The following PKNOX1 variants were observed in gnomAD, a reference collection of about 807,000 sequenced individuals.
PKNOX1 encodes the protein homeobox protein PKNOX1.
PKNOX1 carries 15 observed loss-of-function variants against 51.9 expected under a neutral mutation model. The ratio of observed to expected loss-of-function variants is 0.29; its 90% CI spans 0.19 to 0.45. The LOEUF is 0.45. Among genes scored for constraint, PKNOX1 ranks in the 20% least tolerant of loss-of-function variants. The probability of loss-of-function intolerance (pLI) is 1.00; values close to 1 mark genes in which losing one functional copy is unlikely to be tolerated. For missense variants in PKNOX1, 462 were observed against 547.5 expected, an observed-to-expected ratio of 0.84 and a Z score of 1.56; for synonymous variants, 219 against 211.1, an observed-to-expected ratio of 1.04 and a Z score of -0.32.
Position 43,016,129 on chromosome 21 carries a change from C to T in PKNOX1, c.523-779C>T, listed in dbSNP as rs78118626. Among the ~76,000 whole-genome samples the T allele has an allele frequency of 2.7e-3, 411 of 152,292 alleles. 1 individual carries two copies. The highest frequency in any genetic ancestry group is 4.9e-3 in the Non-Finnish European group (331 of 68,014). On this transcript the variant is annotated intron_variant, in intron 5 of 10. Coordinates refer to ENST00000291547, the MANE Select transcript of PKNOX1 (RefSeq NM_004571.5). Reference sequence around the variant, plus strand: ...CCACAGAATCACCGCCTTGGGGTGGCGTCCCCTTATGCTATGTAACTGCTC... The same window carrying T: ...CCACAGAATCACCGCCTTGGGGTGGTGTCCCCTTATGCTATGTAACTGCTC...
intron 1 of PKNOX1, among the ~76,000 whole-genome samples, chr21:42,997,173 G>T (rs529133284): frequency 9.2e-5 from 14 of 152,240 alleles, no homozygotes; most frequent in African/African-American, 3.4e-4. Flanking sequence ...GAGCCATAAC[G>T]CCTGGCCCCA....
chr21:42,989,672 G>C (rs2059075484), intron 1 of PKNOX1, among the ~76,000 whole-genome samples: 1 of 152,120 alleles, frequency 6.6e-6, no homozygotes, highest in African/African-American at 2.4e-5. Context: ...GCCTGCCTCA[G>C]CCTCCCAAAA....
intron 1 of PKNOX1, among the ~76,000 whole-genome samples, chr21:42,987,653 C>G (rs375108424): frequency 9.6e-4 from 132 of 137,514 alleles, no homozygotes; most frequent in African/African-American, 3.3e-3. Context: ...AGTCTTCGCT[C>G]TTTCACCCGG....
rs759171410 is a variant in PKNOX1 at position 43,021,313 on chromosome 21, A to C, written c.731A>C (p.Gln244Pro). The C allele has an allele frequency of 1.2e-6, 2 of 1,603,554 alleles. No homozygotes were observed. Among genetic ancestry groups the C allele is most frequent in the East Asian group, 4.5e-5 (2 of 44,614 alleles). ...IRIQNSQLQL[Q>P]LNQDLSILHQ... is the part of the protein sequence containing the mutation. ...TTTCAACTTTAAAAGCTTCAGTTAC[A>C]GTTAAACCAAGATCTCAGCATCTTG... The change falls in exon 8 of 11, where the codon CAG becomes CCG. Residue 244 changes from glutamine (Q) to proline (P), a missense_variant. Gln to Pro is a moderately conservative substitution (Grantham distance 76). Around this residue, in one of 5 missense-constraint regions of PKNOX1, gnomAD observed 126 missense variants for 128.1 expected, o/e 0.98. Coordinates refer to ENST00000291547, the MANE Select transcript of PKNOX1 (RefSeq NM_004571.5). The surrounding 1 kb of genome is among the most constrained non-coding windows in gnomAD (Gnocchi z 4.6).
chr21:43,018,283 G>GCA, intron 7 of PKNOX1, 53 bp downstream of exon 7: 1 of 1,119,434 alleles, frequency 8.9e-7, no homozygotes, highest in Non-Finnish European at 1.4e-6. Context: ...CCCACATAGG[G>GCA]GCACAGGTAG....
intron 8 of PKNOX1, among the ~76,000 whole-genome samples, chr21:43,022,879 T>C (rs778547015): frequency 9.9e-5 from 15 of 152,248 alleles, no homozygotes; most frequent in Non-Finnish European, 1.9e-4. Context: ...CATGTTGGTA[T>C]ATTTACACAC....
chr21:42,984,733 G>A (rs1176667489), intron 1 of PKNOX1, among the ~76,000 whole-genome samples: 2 of 151,994 alleles, frequency 1.3e-5, no homozygotes, highest in Admixed American at 6.6e-5. Context: ...CTATGTTGTG[G>A]AGCCTTTTGA....
chr21:42,982,389 G>C (rs572462516), intron 1 of PKNOX1, among the ~76,000 whole-genome samples: 1 of 152,284 alleles, frequency 6.6e-6, no homozygotes, highest in South Asian at 2.1e-4. Context: ...ATGAAGGTTT[G>C]TACATTTTTT....
At chr21:43,007,879 C>T (rs1979067304) in intron 3 of PKNOX1, among the ~76,000 whole-genome samples, 1 of 151,968 alleles carries the variant, frequency 6.6e-6, no homozygotes, top group Admixed American at 6.6e-5. Context: ...GCCTGGCCAA[C>T]ATGGTGAAAC....
chr21:42,976,524 C>G lies in PKNOX1; in HGVS notation c.-57+1860C>G, dbSNP rs2058998372. Reference sequence around the variant, plus strand: ...ATTTTAACCACAGTGAAAATTCTTTCAAAGTTGGAGGCTATTCTCAAACTC... The same window carrying G: ...ATTTTAACCACAGTGAAAATTCTTTGAAAGTTGGAGGCTATTCTCAAACTC... On this transcript the variant is annotated intron_variant, in intron 1 of 10. Transcript: ENST00000291547. 2.0e-5 allele frequency among the ~76,000 whole-genome samples: 3 copies of G among 152,206 alleles called. No individual in the cohort carries two copies. The South Asian group carries it at 6.2e-4, about 31-fold the overall frequency.
At chr21:42,976,165 G>A (rs4920017) in intron 1 of PKNOX1, among the ~76,000 whole-genome samples, 137,363 of 152,274 alleles carry the variant, frequency 0.9, 62,092 homozygotes, top group African/African-American at 0.93. Context: ...AGCAAGTGAC[G>A]CAACAGTTTT....
intron 5 of PKNOX1, among the ~76,000 whole-genome samples, chr21:43,015,098 CCCAAGCATTT>C (rs1312993321): frequency 2.0e-5 from 3 of 152,240 alleles, no homozygotes; most frequent in Non-Finnish European, 2.9e-5. Context: ...TAGAATTATA[CCCAAGCATTT>C]CCTTTCCTGG....
chr21:42,989,799 G>A (rs2059076351), intron 1 of PKNOX1, among the ~76,000 whole-genome samples: 1 of 152,108 alleles, frequency 6.6e-6, no homozygotes, highest in African/African-American at 2.4e-5. Flanking sequence ...ATCATTTACA[G>A]GCATAGTTAA....
chr21:42,991,005 G>A (rs1461632892), intron 1 of PKNOX1, among the ~76,000 whole-genome samples: 1 of 152,190 alleles, frequency 6.6e-6, no homozygotes, highest in South Asian at 2.1e-4. Context: ...CAGGAGAGAA[G>A]GGTTGGGGAA....
At chr21:42,974,700 G>GCGCTGGGC (rs2058982476) in intron 1 of PKNOX1, 36 bp downstream of exon 1, 1 of 165,982 alleles carries the variant, frequency 6.0e-6, no homozygotes, top group Non-Finnish European at 1.2e-5. Context: ...CGCCGCCGCC[G>GCGCTGGGC]CCGCTCTCGC....
intron 1 of PKNOX1, among the ~76,000 whole-genome samples, chr21:42,994,857 T>C (rs1237751739): frequency 6.6e-6 from 1 of 152,058 alleles, no homozygotes; most frequent in Non-Finnish European, 1.5e-5. Context: ...GTGTTTGTTT[T>C]TGAAACCAAG....
chr21:43,027,500 C>T (rs772045600), intron 9 of PKNOX1, among the ~76,000 whole-genome samples: 3 of 152,212 alleles, frequency 2.0e-5, no homozygotes, highest in Non-Finnish European at 4.4e-5. Context: ...CACTTTCTCA[C>T]ATTTAAAGGC....
rs1203178403 is a variant in PKNOX1 at position 43,030,444 on chromosome 21, C to T, written c.*343C>T. The T allele has an allele frequency of 1.2e-5, 2 of 171,916 alleles. No homozygotes were observed. Among genetic ancestry groups the T allele is most frequent in the African/African-American group, 4.7e-5 (2 of 42,112 alleles). 10.6% of individuals were successfully genotyped at this position (171,916 alleles called of 1,614,324 possible). ...TTTCTAAACCGTGATGCGGTTGTCA[C>T]TTAGTTCTGTGGTTCCAGCAGATCT... On this transcript the variant is annotated 3_prime_UTR_variant, in exon 11 of 11. Coordinates refer to ENST00000291547, the MANE Select transcript of PKNOX1 (RefSeq NM_004571.5).
intron 1 of PKNOX1, among the ~76,000 whole-genome samples, chr21:42,987,404 A>AAAAATATATATATATAT: frequency 7.2e-5 from 3 of 41,404 alleles, no homozygotes; most frequent in African/African-American, 1.9e-4. Flanking sequence ...AAAAAAAAAA[A>AAAAATATATATATATAT]ATATATATAT....
Sources: gnomAD v4.1 joint callset for allele counts (sites outside exome capture counted in the v4.1 genomes callset) on GRCh38, gnomAD v4.1.1 for gene constraint, gnomAD v4.1.1 regional missense constraint, Gnocchi (gnomAD v3.1) non-coding constraint, MANE v1.5 for transcripts, NCBI Gene and HGNC (gene_info 2026-07-23, HGNC 2026-07-21) for gene names.